The following KANSL1 variants were observed in gnomAD, a reference collection of about 807,000 sequenced individuals.
KANSL1 encodes the protein MLL1/MLL complex subunit KANSL1.
KANSL1 carries 22 observed loss-of-function variants against 103.6 expected under a neutral mutation model. The ratio of observed to expected loss-of-function variants is 0.21; its 90% CI spans 0.15 to 0.30. The LOEUF (loss-of-function observed/expected upper bound fraction) is 0.30, where lower values mean the gene tolerates loss of function less well. Ranked by LOEUF, KANSL1 falls within the 10% of genes least tolerant of loss-of-function variation. KANSL1 has a pLI of 1.00. For synonymous variants in KANSL1, 600 were observed against 527.6 expected, an observed-to-expected ratio of 1.14 and a Z score of -1.88; for missense variants, 1,337 against 1,399.8, an observed-to-expected ratio of 0.96 and a Z score of 0.72.
chr17:46,121,860 A>C (rs950467004), intron 2 of KANSL1, among the ~76,000 whole-genome samples: 9 of 152,218 alleles, frequency 5.9e-5, no homozygotes, highest in African/African-American at 1.7e-4. Flanking sequence ...CACCTAACCT[A>C]CTGAACATCA....
At chr17:46,119,952 T>G (rs962952804) in intron 2 of KANSL1, 2 of 152,222 alleles carry the variant, frequency 1.3e-5, no homozygotes, top group African/African-American at 4.8e-5. Context: ...CAAATTCAAT[T>G]TAAGACCTTA....
intron 2 of KANSL1, among the ~76,000 whole-genome samples, chr17:46,105,230 G>T (rs1382288064): frequency 6.6e-6 from 1 of 152,262 alleles, no homozygotes. Context: ...CCTCCAGAGT[G>T]AATTAATTTT....
At chr17:46,038,202 G>A (rs1214321454) in intron 10 of KANSL1, 3 of 260,094 alleles carry the variant, frequency 1.2e-5, no homozygotes, top group South Asian at 1.1e-4. Context: ...CAGGATTAGG[G>A]CCACGGAACT....
At chr17:46,122,392 T>C (rs534731878) in intron 2 of KANSL1, among the ~76,000 whole-genome samples, 1 of 152,336 alleles carries the variant, frequency 6.6e-6, no homozygotes, top group African/African-American at 2.4e-5. Context: ...GCTGCTATCA[T>C]AAAGATAAAG....
At chr17:46,175,837 A>G (rs2532261) in intron 1 of KANSL1, among the ~76,000 whole-genome samples, 1 of 152,144 alleles carries the variant, frequency 6.6e-6, no homozygotes, top group Non-Finnish European at 1.5e-5. Flanking sequence ...AATACTAATT[A>G]CTAATATATT....
intron 6 of KANSL1, among the ~76,000 whole-genome samples, chr17:46,051,887 T>C (rs17575423): frequency 0.14 from 21,795 of 152,256 alleles, 2,132 homozygotes; most frequent in Non-Finnish European, 0.22. Context: ...CATTCTATTG[T>C]AACCACATAG....
At chr17:46,038,312 T>C (rs1038167851) in intron 10 of KANSL1, 9 of 565,386 alleles carry the variant, frequency 1.6e-5, no homozygotes, top group Non-Finnish European at 2.8e-5. Context: ...TGGCTCAGCA[T>C]AAATCCATCT....
intron 2 of KANSL1, among the ~76,000 whole-genome samples, chr17:46,126,109 A>G (rs2043544120): frequency 6.6e-6 from 1 of 152,126 alleles, no homozygotes; most frequent in Non-Finnish European, 1.5e-5. Flanking sequence ...AAAAAGTAAA[A>G]GTCGGCCGGG....
chr17:46,134,866 T>C (rs2044045700), intron 2 of KANSL1, among the ~76,000 whole-genome samples: 1 of 150,826 alleles, frequency 6.6e-6, no homozygotes, highest in Non-Finnish European at 1.5e-5. Flanking sequence ...GGGCAGAAGA[T>C]GGGGCGGAAG....
At chr17:46,102,576 A>G (rs1356771069) in intron 2 of KANSL1, among the ~76,000 whole-genome samples, 1 of 152,154 alleles carries the variant, frequency 6.6e-6, no homozygotes, top group Admixed American at 6.5e-5. Flanking sequence ...CTAAACTGCC[A>G]ATTCATCCTG....
chr17:46,071,112 A>G (rs927630190), intron 4 of KANSL1, among the ~76,000 whole-genome samples: 11 of 152,234 alleles, frequency 7.2e-5, no homozygotes, highest in African/African-American at 2.7e-4. Context: ...ATTCAGCTTT[A>G]ACATGAATGT....
At position 46,031,674 on chromosome 17, in the gene KANSL1, G is replaced by A; in HGVS notation, c.3120C>T (p.Phe1040=). Residue 1040 remains phenylalanine (F), a synonymous_variant, in exon 15 of 15, where the codon TTC becomes TTT. Coordinates refer to ENST00000432791, the MANE Select transcript of KANSL1 (RefSeq NM_015443.4). ...QSVQPWERRT[F]PLAHSPQAEC... is the part of the protein sequence containing the mutation. ...CCGCCTGGGGACTGTGCGCCAGGGG[G>A]AAGGTCCGCCGCTCCCAGGGCTGGA... is the stretch of plus-strand genomic sequence containing the variant. The A allele has an allele frequency of 6.2e-7, 1 of 1,610,040 alleles. No individual in the cohort carries two copies. Among genetic ancestry groups the A allele is most frequent in the East Asian group, 2.2e-5 (1 of 44,748 alleles).
intron 3 of KANSL1, chr17:46,093,350 A>G (rs1568439602): frequency 6.6e-6 from 1 of 152,630 alleles, no homozygotes; most frequent in Non-Finnish European, 1.5e-5. Context: ...GTTCCAGCTA[A>G]TTTTTAAATA....
chr17:46,050,591 C>A lies in KANSL1; in HGVS notation c.1962G>T (p.Leu654=). Residue 654 remains leucine, a synonymous_variant, in exon 7 of 15, where the codon CTG becomes CTT. Transcript: ENST00000432791. ...AGTCCAACTGGGAAAGACGTTCCAA[C>A]AGAGGGGCTTCATAGTGAATTTCGG... ...MPPEIHYEAP[L]LERLSQLDSC... is the part of the protein sequence containing the mutation. The A allele has an allele frequency of 6.2e-7, 1 of 1,614,198 alleles. No individual in the cohort carries two copies. Among genetic ancestry groups the A allele is most frequent in the African/African-American group, 1.3e-5 (1 of 75,050 alleles).
intron 2 of KANSL1, among the ~76,000 whole-genome samples, chr17:46,124,919 G>A (rs1469520034): frequency 2.7e-5 from 4 of 150,540 alleles, no homozygotes; most frequent in East Asian, 2.0e-4. Flanking sequence ...GACACAGGTC[G>A]AAAAAGTAAC....
chr17:46,069,201 T>C (rs79782347), intron 4 of KANSL1, among the ~76,000 whole-genome samples: 21,787 of 152,116 alleles, frequency 0.14, 2,132 homozygotes, highest in Non-Finnish European at 0.22. Flanking sequence ...GCTGGGATTA[T>C]AGGCGTGTGA....
At chr17:46,105,906 G>GACAC (rs773000790) in intron 2 of KANSL1, among the ~76,000 whole-genome samples, 2,050 of 94,984 alleles carry the variant, frequency 0.022, 24 homozygotes, top group Middle Eastern at 0.062. Flanking sequence ...GCAAGGCCTT[G>GACAC]ACACACACAC....
chr17:46,196,653 ATAAACATT>A (rs2047620002), upstream of KANSL1: 2 of 304,574 alleles, frequency 6.6e-6, no homozygotes, highest in South Asian at 5.4e-5. Flanking sequence ...CAATGTAACA[ATAAACATT>A]TATTAATTGC....
intron 6 of KANSL1, among the ~76,000 whole-genome samples, chr17:46,056,558 C>T (rs567596416): frequency 6.8e-6 from 1 of 147,762 alleles, no homozygotes; most frequent in African/African-American, 2.4e-5. Context: ...CTCTTAATCA[C>T]TTTTGTAAAA....
Sources: allele counts gnomAD v4.1 joint callset (sites outside exome capture counted in the v4.1 genomes callset), GRCh38; gene constraint gnomAD v4.1.1; transcripts MANE v1.5; gene names NCBI Gene and HGNC (gene_info 2026-07-23, HGNC 2026-07-21).